C1GALT1: variants seen among roughly 807,000 people sequenced by gnomAD.
The protein encoded by C1GALT1 is glycoprotein-N-acetylgalactosamine 3-beta-galactosyltransferase 1.
In C1GALT1, 11 loss-of-function variants were observed where a neutral mutation model predicts 31.0. That is an observed-to-expected ratio of 0.36 (90% CI 0.22 to 0.59). The LOEUF is 0.59. C1GALT1 is among the 20% of genes least tolerant of loss of function. The probability of loss-of-function intolerance (pLI) is 0.79; values close to 1 mark genes in which losing one functional copy is unlikely to be tolerated. For missense variants in C1GALT1, 424 were observed against 425.2 expected, an observed-to-expected ratio of 1.00 and a Z score of 0.03; for synonymous variants, 175 against 143.6, an observed-to-expected ratio of 1.22 and a Z score of -1.56.
At chr7:7,212,787 G>T (rs866413008) in intron 1 of C1GALT1, among the ~76,000 whole-genome samples, 1 of 152,042 alleles carries the variant, frequency 6.6e-6, no homozygotes, top group African/African-American at 2.4e-5. Context: ...AGGGGAGGGT[G>T]TATTGTCACA....
intron 1 of C1GALT1, among the ~76,000 whole-genome samples, chr7:7,183,196 T>A (rs1488167302): frequency 1.3e-5 from 2 of 149,344 alleles, no homozygotes; most frequent in African/African-American, 4.9e-5. Context: ...TTAGCGGTCC[T>A]GCCCCGCCGG....
chr7:7,175,347 C>T (rs991544337), intron 2 of C1GALT1, among the ~76,000 whole-genome samples: 1 of 152,218 alleles, frequency 6.6e-6, no homozygotes, highest in Non-Finnish European at 1.5e-5. Flanking sequence ...CTTAGTTAGC[C>T]TTGCACTGTG....
At chr7:7,162,178 A>G (rs562992129) in intron 2 of C1GALT1, among the ~76,000 whole-genome samples, 21 of 149,244 alleles carry the variant, frequency 1.4e-4, no homozygotes, top group African/African-American at 4.9e-4. Context: ...GGTTAGTTAC[A>G]TATGTATACA....
chr7:7,182,922 A>T (rs1037724891), intron 1 of C1GALT1, 102 bp downstream of exon 1: 1 of 879,380 alleles, frequency 1.1e-6, no homozygotes, highest in Middle Eastern at 5.8e-4. Context: ...GGATGGAACC[A>T]AACCCCGGGC....
intron 1 of C1GALT1, among the ~76,000 whole-genome samples, chr7:7,224,046 A>T (rs1363460434): frequency 6.6e-6 from 1 of 152,180 alleles, no homozygotes; most frequent in Non-Finnish European, 1.5e-5. Flanking sequence ...GTTGGTTAAT[A>T]GGATGAATCG....
At chr7:7,201,614 C>T (rs1161203764) in intron 1 of C1GALT1, among the ~76,000 whole-genome samples, 4 of 152,198 alleles carry the variant, frequency 2.6e-5, no homozygotes, top group Non-Finnish European at 5.9e-5. Context: ...GGAAAGCCGG[C>T]AGTAACAGGC....
chr7:7,227,280 T>TTTAA (rs887260923), intron 1 of C1GALT1, among the ~76,000 whole-genome samples: 33 of 152,318 alleles, frequency 2.2e-4, no homozygotes, highest in African/African-American at 7.7e-4. Context: ...CATGTTGAAA[T>TTTAA]TTAATTCCCA....
At chr7:7,222,422 A>G (rs1782552011) in intron 1 of C1GALT1, among the ~76,000 whole-genome samples, 1 of 152,118 alleles carries the variant, frequency 6.6e-6, no homozygotes, top group South Asian at 2.1e-4. Context: ...TATTTTTTCT[A>G]TGGTTGTCTA....
At chr7:7,181,966 C>CTTAG (rs1780598988), upstream of C1GALT1, among the ~76,000 whole-genome samples, 1 of 152,102 alleles carries the variant, frequency 6.6e-6, no homozygotes, top group Non-Finnish European at 1.5e-5. Context: ...GGCCATTGCC[C>CTTAG]CACAGAACCG....
At chr7:7,227,426 T>A (rs1488786776) in intron 1 of C1GALT1, among the ~76,000 whole-genome samples, 16 of 152,142 alleles carry the variant, frequency 1.1e-4, no homozygotes, top group Admixed American at 1.0e-3. Flanking sequence ...TTTGGCTTTA[T>A]AAAGAAAGGG....
chr7:7,162,297 G>A (rs1780342433), intron 2 of C1GALT1, among the ~76,000 whole-genome samples: 1 of 119,166 alleles, frequency 8.4e-6, no homozygotes, highest in Admixed American at 1.1e-4. Flanking sequence ...CCCAGAGTGT[G>A]ATGTTCCCTT....
rs141140526 is a variant in C1GALT1 at position 7,159,450 on chromosome 7, T to C, written c.-18+2024T>C. 1.9e-4 allele frequency among the ~76,000 whole-genome samples: 29 copies of C among 150,748 alleles called. 1 individual carries two copies. The highest frequency in any genetic ancestry group is 6.6e-4 in the African/African-American group (27 of 41,072). On this transcript the variant is annotated intron_variant, in intron 2 of 3. Coordinates refer to the C1GALT1 transcript ENST00000429911. ...CAGGAAGAGGAGGGGGAGGAGGAAA[T>C]AGAGTGGAACAGAAATAGAAATGCA...
intron 1 of C1GALT1, among the ~76,000 whole-genome samples, chr7:7,198,908 A>G (rs149566709): frequency 1.3e-5 from 2 of 151,884 alleles, no homozygotes; most frequent in African/African-American, 4.8e-5. Context: ...TATTGCATCT[A>G]TTTGATTCTT....
At position 7,212,134 on chromosome 7, in the gene C1GALT1, CAG is replaced by C. The variant is rs572232248; in HGVS notation, c.-17-22168_-17-22167del. Among the ~76,000 whole-genome samples the C allele has an allele frequency of 2.1e-3, 317 of 152,272 alleles. 2 individuals are homozygous for C. The highest frequency in any genetic ancestry group is 4.8e-3 in the Admixed American group (74 of 15,304). ...TAGATAAGACCTTTAAAGCCTAGGCCAGCAATGGGTTTCTATCCTCAAATACC... is the reference window on the plus strand; with the variant it reads ...TAGATAAGACCTTTAAAGCCTAGGCCCAATGGGTTTCTATCCTCAAATACC... On this transcript the variant is annotated intron_variant, in intron 1 of 3. Coordinates refer to ENST00000436587, the MANE Select transcript of C1GALT1 (RefSeq NM_020156.5).
At chr7:7,211,846 G>C (rs1474702515) in intron 1 of C1GALT1, among the ~76,000 whole-genome samples, 2 of 152,118 alleles carry the variant, frequency 1.3e-5, no homozygotes, top group African/African-American at 4.8e-5. Flanking sequence ...ATTACCACTT[G>C]AGTCACAGGA....
chr7:7,201,469 G>A (rs1781528058), intron 1 of C1GALT1, among the ~76,000 whole-genome samples: 1 of 152,180 alleles, frequency 6.6e-6, no homozygotes, highest in African/African-American at 2.4e-5. Context: ...ACTTGAGGAG[G>A]CAGTCTGTCT....
At chr7:7,227,669 G>A (rs1317494278) in intron 1 of C1GALT1, among the ~76,000 whole-genome samples, 2 of 148,618 alleles carry the variant, frequency 1.3e-5, no homozygotes, top group Non-Finnish European at 3.0e-5. Flanking sequence ...GCAGTGAGCC[G>A]AGATCCCGCC....
intron 2 of C1GALT1, among the ~76,000 whole-genome samples, chr7:7,166,060 A>G (rs888119436): frequency 6.6e-6 from 1 of 152,192 alleles, no homozygotes; most frequent in African/African-American, 2.4e-5. Context: ...GATAAGGGAC[A>G]CCTGTACCAG....
intron 1 of C1GALT1, among the ~76,000 whole-genome samples, chr7:7,208,622 G>C (rs544499896): frequency 2.6e-4 from 40 of 152,332 alleles, no homozygotes; most frequent in African/African-American, 9.6e-4. Flanking sequence ...TCAGCTAGAG[G>C]GGGAGGGGCT....
Sources: gnomAD v4.1 joint callset for allele counts (sites outside exome capture counted in the v4.1 genomes callset) on GRCh38, gnomAD v4.1.1 for gene constraint, MANE v1.5 for transcripts, NCBI Gene and HGNC (gene_info 2026-07-23, HGNC 2026-07-21) for gene names.